Variants in MCPH1 observed in about 807,000 individuals in gnomAD.
The protein encoded by MCPH1 is microcephalin.
Under a neutral mutation model 84.5 loss-of-function variants are expected in MCPH1, and 104 were observed. The observed-to-expected ratio is 1.23, with a 90% CI of 1.05 to 1.45. The LOEUF (loss-of-function observed/expected upper bound fraction) is 1.45, where lower values mean the gene tolerates loss of function less well. MCPH1 is among the 40% of genes most tolerant of loss of function. MCPH1 has a pLI of 0.00. For missense variants in MCPH1, 1,498 were observed against 1,005.7 expected, an observed-to-expected ratio of 1.49 and a Z score of -6.62; for synonymous variants, 514 against 366.8, an observed-to-expected ratio of 1.40 and a Z score of -4.58.
At position 6,632,425 on chromosome 8, in the gene MCPH1, G is replaced by GA. The variant is rs565710529; in HGVS notation, c.2453-10560dup. On this transcript the variant is annotated intron_variant, in intron 13 of 13. Coordinates refer to ENST00000344683, the MANE Select transcript of MCPH1 (RefSeq NM_024596.5). ...TACCAAACATTATAAAGTTTTACAG[G>GA]AAAAAAAAAGAAATCTATTCACCTC... is the stretch of plus-strand genomic sequence containing the variant. 5.3e-5 allele frequency among the ~76,000 whole-genome samples: 8 copies of GA among 150,500 alleles called. No individual in the cohort carries two copies. In the South Asian group the frequency reaches 8.4e-4, roughly 16 times the overall value.
At chr8:6,509,311 G>A (rs948338474) in intron 12 of MCPH1, among the ~76,000 whole-genome samples, 4 of 152,162 alleles carry the variant, frequency 2.6e-5, no homozygotes, top group Non-Finnish European at 5.9e-5. Flanking sequence ...TATCAGAAGC[G>A]ACTGTAGAGC....
intron 12 of MCPH1, among the ~76,000 whole-genome samples, chr8:6,564,587 T>C (rs1021069737): frequency 2.0e-5 from 3 of 151,686 alleles, no homozygotes; most frequent in Admixed American, 6.6e-5. Context: ...TGCTGCGGTT[T>C]ATCTCTCAAG....
intron 12 of MCPH1, among the ~76,000 whole-genome samples, chr8:6,569,667 T>G (rs944110820): frequency 1.3e-5 from 2 of 152,228 alleles, no homozygotes; most frequent in African/African-American, 4.8e-5. Flanking sequence ...CAAGTGCCTG[T>G]GTGTGTCTGT....
intron 9 of MCPH1, among the ~76,000 whole-genome samples, chr8:6,470,749 G>C (rs1268728402): frequency 6.6e-6 from 1 of 152,252 alleles, no homozygotes; most frequent in African/African-American, 2.4e-5. Flanking sequence ...ACAGGAATCA[G>C]AGGCTGTACT....
At chr8:6,550,591 G>C (rs1479868781) in intron 12 of MCPH1, among the ~76,000 whole-genome samples, 1 of 152,240 alleles carries the variant, frequency 6.6e-6, no homozygotes, top group Non-Finnish European at 1.5e-5. Flanking sequence ...GACAGCTGTG[G>C]GCTGTGTAGG....
At chr8:6,480,966 G>A in intron 11 of MCPH1, 90 bp downstream of exon 11, 1 of 1,450,080 alleles carries the variant, frequency 6.9e-7, no homozygotes. Context: ...ACTCAGGCCG[G>A]CGTGCACCCT....
chr8:6,416,983 G>A (rs1480216509), intron 3 of MCPH1, among the ~76,000 whole-genome samples: 2 of 150,380 alleles, frequency 1.3e-5, no homozygotes, highest in Admixed American at 6.6e-5. Context: ...GACAAGAGCG[G>A]GGAAAAAAAA....
chr8:6,622,783 T>C (rs1831599128), intron 13 of MCPH1, among the ~76,000 whole-genome samples: 1 of 152,172 alleles, frequency 6.6e-6, no homozygotes, highest in African/African-American at 2.4e-5. Context: ...AAATGTTCTC[T>C]TCTCTAAGGA....
intron 12 of MCPH1, chr8:6,527,612 A>C: frequency 1.2e-6 from 2 of 1,613,922 alleles, no homozygotes; most frequent in African/African-American, 2.7e-5. Context: ...CTGTTTTTCC[A>C]ATTTGTTTGT....
chr8:6,530,384 C>T (rs150146907), intron 12 of MCPH1, among the ~76,000 whole-genome samples: 1 of 152,018 alleles, frequency 6.6e-6, no homozygotes, highest in African/African-American at 2.4e-5. Flanking sequence ...TAGCCTGCAC[C>T]TGTAATCCCA....
chr8:6,532,860 C>G (rs895112037), intron 12 of MCPH1, among the ~76,000 whole-genome samples: 1 of 152,186 alleles, frequency 6.6e-6, no homozygotes, highest in African/African-American at 2.4e-5. Flanking sequence ...GCAACTCTGA[C>G]CATGCAGTCA....
chr8:6,633,027 A>G (rs1797281469), intron 13 of MCPH1, among the ~76,000 whole-genome samples: 1 of 152,106 alleles, frequency 6.6e-6, no homozygotes, highest in Non-Finnish European at 1.5e-5. Context: ...ATGATTTAAA[A>G]AAAAAAAAAA....
intron 11 of MCPH1, among the ~76,000 whole-genome samples, chr8:6,487,197 T>C (rs2129560590): frequency 6.6e-6 from 1 of 152,376 alleles, no homozygotes; most frequent in East Asian, 1.9e-4. Context: ...TACAACAAAA[T>C]GTCAAGGCCG....
At chr8:6,431,798 A>G (rs754963669) in intron 4 of MCPH1, among the ~76,000 whole-genome samples, 2 of 152,212 alleles carry the variant, frequency 1.3e-5, no homozygotes, top group Non-Finnish European at 2.9e-5. Context: ...TGAAATGGAA[A>G]AGCCTGTGGT....
At chr8:6,628,469 C>CAAAAAAAAAAAA (rs34188003) in intron 13 of MCPH1, among the ~76,000 whole-genome samples, 1 of 41,582 alleles carries the variant, frequency 2.4e-5, no homozygotes, top group African/African-American at 7.5e-5. Flanking sequence ...GACTCTGTCT[C>CAAAAAAAAAAAA]AAAAAAAAAA....
intron 3 of MCPH1, among the ~76,000 whole-genome samples, chr8:6,423,732 G>C (rs1563186303): frequency 6.6e-6 from 1 of 152,080 alleles, no homozygotes; most frequent in Non-Finnish European, 1.5e-5. Flanking sequence ...TCATTTCTGA[G>C]AGTTTACATA....
At chr8:6,545,376 A>G (rs555940698) in intron 12 of MCPH1, among the ~76,000 whole-genome samples, 9 of 152,228 alleles carry the variant, frequency 5.9e-5, no homozygotes, top group Non-Finnish European at 1.2e-4. Context: ...TAAAAACTAA[A>G]AGACATTTAG....
Position 6,497,329 on chromosome 8 carries a change from CAAAAAAA to C in MCPH1, c.2137-2520_2137-2514del, listed in dbSNP as rs955698634. On this transcript the variant is annotated intron_variant, in intron 11 of 13. Coordinates refer to ENST00000344683, the MANE Select transcript of MCPH1 (RefSeq NM_024596.5). The stretch of plus-strand genomic sequence containing the variant: ...AACCCCATTCTCTACCAAAAAAAAA[CAAAAAAA>C]AAGAAAAAAGAAAAAAATTAACCAG... 4.3e-5 allele frequency among the ~76,000 whole-genome samples: 6 copies of C among 138,268 alleles called. No homozygotes were observed. In the East Asian group the frequency reaches 1.0e-3, roughly 24 times the overall value. 90.7% of individuals were successfully genotyped at this position (138,268 alleles called of 152,430 possible). A position where few individuals can be genotyped will look rare whatever the true frequency, so the allele number is the denominator to read the frequency against.
chr8:6,446,892 C>T, intron 8 of MCPH1: 5 of 985,238 alleles, frequency 5.1e-6, no homozygotes, highest in Non-Finnish European at 6.0e-6. Flanking sequence ...CCTGCGTCGA[C>T]AGCCTCCGGG....
Sources: allele counts gnomAD v4.1 joint callset (sites outside exome capture counted in the v4.1 genomes callset), GRCh38; gene constraint gnomAD v4.1.1; transcripts MANE v1.5; gene names NCBI Gene and HGNC (gene_info 2026-07-23, HGNC 2026-07-21).